PCDHA6: variants seen among roughly 807,000 people sequenced by gnomAD.
PCDHA6 encodes protocadherin alpha 6, also known as protocadherin alpha-6.
In PCDHA6, 55 loss-of-function variants were observed where a neutral mutation model predicts 60.3. That is an observed-to-expected ratio of 0.91 (90% CI 0.73 to 1.14). PCDHA6 has a LOEUF of 1.14. Ranked by LOEUF, PCDHA6 falls within the 50% of genes most tolerant of loss-of-function variation. The pLI, the probability that PCDHA6 is intolerant of heterozygous loss-of-function variation, is 0.00. For missense variants in PCDHA6, 1,327 were observed against 1,256.5 expected, an observed-to-expected ratio of 1.06 and a Z score of -0.85; for synonymous variants, 652 against 557.9, an observed-to-expected ratio of 1.17 and a Z score of -2.38.
At chr5:140,848,653 G>A (rs2150416159) in intron 1 of PCDHA6, 1 of 1,592,724 alleles carries the variant, frequency 6.3e-7, no homozygotes, top group Admixed American at 1.7e-5. Context: ...CAGGACCTGG[G>A]GCTGGAGCTG....
At position 140,876,322 on chromosome 5, in the gene PCDHA6, A is replaced by C. The variant is rs146464308; in HGVS notation, c.2394+45837A>C. On this transcript the variant is annotated intron_variant, in intron 1 of 3. Transcript: ENST00000529310. ...AGAAATTTCCTATGGGATCAAAATG[A>C]TTTTGCCAGTGAGTGAGAAATGTAT... 2.9e-4 allele frequency: 465 copies of C among 1,614,034 alleles called. 1 individual carries two copies. In the African/African-American group the frequency reaches 5.7e-3, roughly 20 times the overall value.
At chr5:140,871,624 A>G in intron 1 of PCDHA6, 1 of 1,409,596 alleles carries the variant, frequency 7.1e-7, no homozygotes, top group African/African-American at 1.4e-5. Context: ...TTTAGATAAC[A>G]ATGTCTGTTC....
intron 3 of PCDHA6, among the ~76,000 whole-genome samples, chr5:140,991,302 T>C (rs2097443703): frequency 6.6e-6 from 1 of 152,204 alleles, no homozygotes; most frequent in African/African-American, 2.4e-5. Flanking sequence ...ATTACTATTA[T>C]CTTGTCCCGC....
At chr5:140,870,692 T>C (rs1321391908) in intron 1 of PCDHA6, 2 of 1,612,828 alleles carry the variant, frequency 1.2e-6, no homozygotes, top group African/African-American at 1.3e-5. Flanking sequence ...CTGGAGCTGC[T>C]ACAGTTCCAG....
chr5:140,992,807 C>T (rs781970284), intron 3 of PCDHA6, among the ~76,000 whole-genome samples: 2 of 152,226 alleles, frequency 1.3e-5, no homozygotes, highest in African/African-American at 4.8e-5. Flanking sequence ...CCATATGTAT[C>T]TAAGGATGTG....
intron 3 of PCDHA6, among the ~76,000 whole-genome samples, chr5:140,998,708 GC>G (rs1350967952): frequency 1.3e-5 from 2 of 152,024 alleles, no homozygotes; most frequent in Admixed American, 6.6e-5. Context: ...GGGATTACAA[GC>G]TTGCACCACC....
intron 1 of PCDHA6, chr5:140,848,356 A>C: frequency 9.6e-7 from 1 of 1,038,310 alleles, no homozygotes; most frequent in Non-Finnish European, 1.4e-6. Flanking sequence ...CCCTTTTCCC[A>C]TGGGAAAGAG....
chr5:140,850,420 C>T lies in PCDHA6; in HGVS notation c.2394+19935C>T. The T allele has an allele frequency of 1.9e-6, 3 of 1,597,930 alleles. 1 individual carries two copies. The highest frequency in any genetic ancestry group is 2.6e-6 in the Non-Finnish European group (3 of 1,167,744). ...ACGCGTGCCCTGGACGAAACGGACG[C>T]ACCGCGCCAGCGCCTACTGGTGCTG... On this transcript the variant is annotated intron_variant, in intron 1 of 3. Transcript: ENST00000529310.
At chr5:140,866,149 T>A (rs1554160036) in intron 1 of PCDHA6, 2 of 152,248 alleles carry the variant, frequency 1.3e-5, no homozygotes, top group Non-Finnish European at 2.9e-5. Context: ...GGAAGTGATA[T>A]AAGTAAGAAT....
chr5:140,907,408 C>T (rs2073363118), intron 1 of PCDHA6, among the ~76,000 whole-genome samples: 1 of 152,118 alleles, frequency 6.6e-6, no homozygotes. Flanking sequence ...TGTGGAATAC[C>T]ACGATGGTGG....
At chr5:140,907,021 C>A (rs950958374) in intron 1 of PCDHA6, among the ~76,000 whole-genome samples, 1 of 152,168 alleles carries the variant, frequency 6.6e-6, no homozygotes, top group Non-Finnish European at 1.5e-5. Flanking sequence ...TCTAGGCCAG[C>A]AGAACATAAT....
intron 1 of PCDHA6, among the ~76,000 whole-genome samples, chr5:140,896,952 T>G (rs2153454853): frequency 6.6e-6 from 1 of 152,352 alleles, no homozygotes; most frequent in East Asian, 1.9e-4. Context: ...GCCATTCCCT[T>G]AAACATTTAT....
intron 1 of PCDHA6, chr5:140,856,684 A>G (rs1554148977): frequency 1.3e-6 from 2 of 1,597,646 alleles, no homozygotes; most frequent in Admixed American, 1.7e-5. Context: ...TGTTGTTGAC[A>G]GCAACTGATG....
intron 1 of PCDHA6, among the ~76,000 whole-genome samples, chr5:140,923,882 G>A (rs1261780966): frequency 6.6e-6 from 1 of 152,192 alleles, no homozygotes; most frequent in Non-Finnish European, 1.5e-5. Context: ...AGAAGCGTGT[G>A]AAAGAGGAGG....
Position 140,993,462 on chromosome 5 carries a change from T to A in PCDHA6, c.2542+10899T>A, listed in dbSNP as rs540334246. Among the ~76,000 whole-genome samples, 1,220 of 141,042 alleles carry A rather than the reference T, an allele frequency of 8.6e-3. 14 individuals carry two copies. The highest frequency in any genetic ancestry group is 0.02 in the African/African-American group (760 of 37,958). 92.5% of individuals were successfully genotyped at this position (141,042 alleles called of 152,430 possible). A position where few individuals can be genotyped will look rare whatever the true frequency, so the allele number is the denominator to read the frequency against. On this transcript the variant is annotated intron_variant, in intron 3 of 3. Coordinates refer to ENST00000529310, the MANE Select transcript of PCDHA6 (RefSeq NM_018909.4). ...CATTCCTGTTCTCCTTCTTTCTTTC[T>A]CACACACACACACACACACACACAC...
intron 1 of PCDHA6, among the ~76,000 whole-genome samples, chr5:140,907,806 A>G (rs1046843294): frequency 2.6e-5 from 4 of 152,192 alleles, no homozygotes; most frequent in Non-Finnish European, 5.9e-5. Flanking sequence ...AGTGGTGTCC[A>G]CAGAACGAGT....
At chr5:140,890,374 A>G (rs1045149611) in intron 1 of PCDHA6, among the ~76,000 whole-genome samples, 1 of 152,000 alleles carries the variant, frequency 6.6e-6, no homozygotes, top group South Asian at 2.1e-4. Context: ...CTGAACAAGT[A>G]CTCTTTCTTA....
chr5:140,988,818 CCAAA>C (rs1193685505), intron 3 of PCDHA6: 2 of 152,060 alleles, frequency 1.3e-5, no homozygotes, highest in Non-Finnish European at 2.9e-5. Flanking sequence ...AACAGTAGCC[CCAAA>C]CAGAGATCAC....
At chr5:140,841,819 C>G (rs781814200) in intron 1 of PCDHA6, 3 of 1,613,874 alleles carry the variant, frequency 1.9e-6, no homozygotes, top group Non-Finnish European at 2.5e-6. Flanking sequence ...GAGCTAACTC[C>G]GTGTTAACCT....
Sources: gnomAD v4.1 joint callset for allele counts (sites outside exome capture counted in the v4.1 genomes callset) on GRCh38, gnomAD v4.1.1 for gene constraint, MANE v1.5 for transcripts, NCBI Gene and HGNC (gene_info 2026-07-23, HGNC 2026-07-21) for gene names.